MERTK: variants seen among roughly 807,000 people sequenced by gnomAD.
MERTK encodes the protein tyrosine-protein kinase Mer.
In MERTK, 69 loss-of-function variants were observed where a neutral mutation model predicts 99.3. The observed-to-expected ratio is 0.70, with a 90% CI of 0.57 to 0.85. MERTK has a LOEUF of 0.85. MERTK is among the 40% of genes least tolerant of loss of function. The pLI, the probability that MERTK is intolerant of heterozygous loss-of-function variation, is 0.00. For synonymous variants in MERTK, 426 were observed against 467.6 expected (o/e 0.91, Z 1.15); for missense variants, 1,125 against 1,249.4 (o/e 0.90, Z 1.50).
At chr2:112,027,319 T>TAC (rs1340238439) in intron 18 of MERTK, among the ~76,000 whole-genome samples, 4 of 151,376 alleles carry the variant, frequency 2.6e-5, no homozygotes, top group African/African-American at 4.9e-5. Flanking sequence ...TGTATATATA[T>TAC]ACACACACAT....
At chr2:111,987,168 GTAAT>G (rs1676496086) in intron 8 of MERTK, among the ~76,000 whole-genome samples, 2 of 152,218 alleles carry the variant, frequency 1.3e-5, no homozygotes, top group South Asian at 4.1e-4. Context: ...CATTATAACT[GTAAT>G]TAAGGGTGGG....
chr2:111,915,531 A>T (rs1285027592), intron 1 of MERTK, among the ~76,000 whole-genome samples: 1 of 151,940 alleles, frequency 6.6e-6, no homozygotes, highest in Non-Finnish European at 1.5e-5. Flanking sequence ...AAATTTTGAC[A>T]TGTTGCGTTT....
chr2:112,017,288 G>A (rs924822803), intron 15 of MERTK, among the ~76,000 whole-genome samples: 5 of 152,076 alleles, frequency 3.3e-5, no homozygotes, highest in African/African-American at 1.2e-4. Flanking sequence ...TTTACAGAGT[G>A]CTGAATGGTG....
intron 16 of MERTK, chr2:112,020,534 A>G (rs184309332): frequency 2.1e-6 from 1 of 467,656 alleles, no homozygotes; most frequent in East Asian, 7.0e-5. Context: ...CTTCTTGTGT[A>G]GGAGCTGTTT....
chr2:111,969,250 C>T (rs1263914272), intron 6 of MERTK, among the ~76,000 whole-genome samples: 2 of 152,180 alleles, frequency 1.3e-5, no homozygotes, highest in Non-Finnish European at 2.9e-5. Flanking sequence ...GCTCAGAGTA[C>T]TCACACAGCC....
chr2:112,017,815 A>T (rs960425117), intron 15 of MERTK, among the ~76,000 whole-genome samples: 4 of 152,152 alleles, frequency 2.6e-5, no homozygotes, highest in African/African-American at 4.8e-5. Context: ...CAATGGAAGG[A>T]TAGGAGGAGG....
At position 111,957,793 on chromosome 2, in the gene MERTK, C is replaced by T. The variant is rs146172349; in HGVS notation, c.758-7398C>T. ...TACCTCACTTATGCAGCATGATCTT[C>T]CATTTGTTGCTTCCTTTGGTAGAAA... On this transcript the variant is annotated intron_variant, in intron 4 of 18. Coordinates refer to ENST00000295408, the MANE Select transcript of MERTK (RefSeq NM_006343.3). 7.8e-4 allele frequency among the ~76,000 whole-genome samples: 118 copies of T among 152,232 alleles called. 1 individual carries two copies. The highest frequency in any genetic ancestry group is 2.7e-3 in the African/African-American group (114 of 41,524).
At chr2:111,964,664 CGATTAGTTATAACGCCTTGCATTTA>C (rs1473851142) in intron 4 of MERTK, among the ~76,000 whole-genome samples, 8 of 152,128 alleles carry the variant, frequency 5.3e-5, no homozygotes, top group Non-Finnish European at 8.8e-5. Context: ...GTCTTCTCTT[CGATTAGTTATAACGCCTTGCATTTA>C]TATGATGCAT....
intron 1 of MERTK, among the ~76,000 whole-genome samples, chr2:111,915,330 G>T (rs769948794): frequency 8.0e-5 from 12 of 149,896 alleles, no homozygotes; most frequent in Admixed American, 6.6e-4. Context: ...CAAAGAATTT[G>T]TTGTTTGTTT....
chr2:111,994,680 G>A lies in MERTK; in HGVS notation c.1450+276G>A, dbSNP rs566363292. 16 of 439,268 alleles carry A rather than the reference G, an allele frequency of 3.6e-5. 2 individuals are homozygous for A. The highest frequency in any genetic ancestry group is 2.7e-4 in the South Asian group (14 of 52,382). 27.2% of individuals were successfully genotyped at this position (439,268 alleles called of 1,614,324 possible). On this transcript the variant is annotated intron_variant, in intron 9 of 18. Coordinates refer to ENST00000295408, the MANE Select transcript of MERTK (RefSeq NM_006343.3). ...TGTTGTCCCAGCTACTTGGGAGGCT[G>A]AGGTGGGAGAAGTGCTTGAACCCAG...
chr2:111,966,606 A>G (rs1456624003), intron 5 of MERTK, among the ~76,000 whole-genome samples: 39 of 152,188 alleles, frequency 2.6e-4, no homozygotes, highest in Admixed American at 2.6e-3. Flanking sequence ...ATTCTATTAG[A>G]TCATTCCCCA....
At chr2:112,023,071 A>G (rs995911133) in intron 18 of MERTK, among the ~76,000 whole-genome samples, 13 of 152,192 alleles carry the variant, frequency 8.5e-5, no homozygotes, top group African/African-American at 3.1e-4. Context: ...TGAGCCCAGG[A>G]GTTTAAGACC....
intron 17 of MERTK, 133 bp downstream of exon 17, chr2:112,021,714 T>TC (rs1553459722): frequency 5.1e-6 from 4 of 784,700 alleles, no homozygotes; most frequent in Non-Finnish European, 8.7e-6. Flanking sequence ...CTCAGATCTC[T>TC]TTTATATCTT....
intron 8 of MERTK, among the ~76,000 whole-genome samples, chr2:111,993,758 GAAA>G (rs959969877): frequency 6.7e-6 from 1 of 148,228 alleles, no homozygotes; most frequent in Non-Finnish European, 1.5e-5. Flanking sequence ...CACACTGAAA[GAAA>G]AAAAAAAGTG....
rs755062622 is a variant in MERTK, at chr2:111,994,394, C to G, written c.1440C>G (p.Ile480Met). 1.9e-6 allele frequency: 3 copies of G among 1,614,130 alleles called. No individual in the cohort carries two copies. The highest frequency in any genetic ancestry group is 1.1e-5 in the South Asian group (1 of 91,082). Residue 480 changes from isoleucine (I) to methionine (M), a missense_variant, in exon 9 of 19, where the codon ATC (isoleucine) becomes ATG (methionine). Ile to Met is a conservative substitution (Grantham distance 10). Coordinates refer to ENST00000295408, the MANE Select transcript of MERTK (RefSeq NM_006343.3). Reference sequence around the variant, plus strand: ...TCAGTGATCCAGTGAAAATATTTATCCCTGCACACGGTGAGAGCTATACCC... The same window carrying G: ...TCAGTGATCCAGTGAAAATATTTATGCCTGCACACGGTGAGAGCTATACCC... ...GPFSDPVKIF[I>M]PAHGWVDYAP...
At chr2:111,939,490 T>G (rs1237705110) in intron 2 of MERTK, among the ~76,000 whole-genome samples, 1 of 151,686 alleles carries the variant, frequency 6.6e-6, no homozygotes. Flanking sequence ...ATTAATTAAT[T>G]AATTAATTTG....
rs544395052 is a variant in MERTK at position 111,907,897 on chromosome 2, A to C, written c.61+9101A>C. Among the ~76,000 whole-genome samples, 3 of 152,226 alleles carry C rather than the reference A, an allele frequency of 2.0e-5. 1 individual carries two copies. In the South Asian group the frequency reaches 6.2e-4, roughly 31 times the overall value. The stretch of plus-strand genomic sequence containing the variant: ...TATGCTTCAGAACTACCTAGGAAGC[A>C]TTTTCGCAAGGTAGAAGCTCAGGTT... On this transcript the variant is annotated intron_variant, in intron 1 of 18. Transcript: ENST00000295408.
In MERTK at chr2:112,019,462, G is replaced by A. The variant is rs1422549500; in HGVS notation, c.2129G>A (p.Gly710Glu). The A allele has an allele frequency of 6.2e-7, 1 of 1,613,994 alleles. No individual in the cohort carries two copies. The highest frequency in any genetic ancestry group is 8.5e-7 in the Non-Finnish European group (1 of 1,179,892). ...AAGTTCATGGTGGATATTGCCCTGGGAATGGAGTATCTGAGCAACAGGAAT... is the reference window on the plus strand; with the variant it reads ...AAGTTCATGGTGGATATTGCCCTGGAAATGGAGTATCTGAGCAACAGGAAT... Reference protein sequence around the residue: ...LLKFMVDIALGMEYLSNRNFL... With the variant: ...LLKFMVDIALEMEYLSNRNFL... Residue 710 changes from glycine to glutamate, a missense_variant, in exon 16 of 19, where the codon GGA becomes GAA. Transcript: ENST00000295408.
chr2:111,936,048 C>T (rs1270853395), intron 2 of MERTK, among the ~76,000 whole-genome samples: 1 of 152,044 alleles, frequency 6.6e-6, no homozygotes, highest in Non-Finnish European at 1.5e-5. Context: ...TCCTGAGTAG[C>T]TGGGAGTACA....
Sources: allele counts gnomAD v4.1 joint callset (sites outside exome capture counted in the v4.1 genomes callset), GRCh38; gene constraint gnomAD v4.1.1; transcripts MANE v1.5; gene names NCBI Gene and HGNC (gene_info 2026-07-23, HGNC 2026-07-21).